TAF4: variants seen among roughly 807,000 people sequenced by gnomAD.
The protein encoded by TAF4 is TATA-box binding protein associated factor 4.
In TAF4, 9 loss-of-function variants were observed where a neutral mutation model predicts 90.3. The ratio of observed to expected loss-of-function variants is 0.10; its 90% CI spans 0.06 to 0.17. The LOEUF (loss-of-function observed/expected upper bound fraction) is 0.17. Ranked by LOEUF, TAF4 falls within the 10% of genes least tolerant of loss-of-function variation. The probability of loss-of-function intolerance (pLI) is 1.00; values close to 1 mark genes in which losing one functional copy is unlikely to be tolerated. For missense variants in TAF4, 1,351 were observed against 1,370.7 expected (o/e 0.99, Z 0.23); for synonymous variants, 818 against 638.9 (o/e 1.28, Z -4.23).
intron 11 of TAF4, 70 bp downstream of exon 11, chr20:62,000,054 G>A: frequency 6.2e-7 from 1 of 1,606,426 alleles, no homozygotes; most frequent in Non-Finnish European, 8.5e-7. Flanking sequence ...GTGTGGGGAG[G>A]AGGCTCCCAG....
At chr20:62,005,347 C>T (rs1358065650) in intron 7 of TAF4, 1 of 152,256 alleles carries the variant, frequency 6.6e-6, no homozygotes, top group Non-Finnish European at 1.5e-5. Context: ...AGGAGGAGCC[C>T]AGGGAAGCAG....
chr20:61,996,278 A>G (rs1157991665), intron 14 of TAF4, among the ~76,000 whole-genome samples: 1 of 152,140 alleles, frequency 6.6e-6, no homozygotes, highest in Non-Finnish European at 1.5e-5. Context: ...GCTACTCGGG[A>G]AGCTGAGGCA....
intron 1 of TAF4, among the ~76,000 whole-genome samples, chr20:62,016,972 CA>C (rs879282155): frequency 2.0e-5 from 3 of 149,226 alleles, no homozygotes; most frequent in Non-Finnish European, 3.0e-5. Context: ...CCCATCTTTG[CA>C]AAAAAAAAAT....
chr20:62,019,797 T>C (rs1375623085), intron 1 of TAF4, among the ~76,000 whole-genome samples: 2 of 152,232 alleles, frequency 1.3e-5, no homozygotes, highest in Non-Finnish European at 2.9e-5. Flanking sequence ...CTGATTCCTT[T>C]TGTAGGTAAC....
chr20:62,023,348 T>C (rs1332349545), intron 1 of TAF4, among the ~76,000 whole-genome samples: 1 of 151,818 alleles, frequency 6.6e-6, no homozygotes, highest in Non-Finnish European at 1.5e-5. Context: ...CGAGAATCGC[T>C]TGAACCAGAG....
At chr20:61,980,602 A>C (rs1448391088) in intron 14 of TAF4, 1 of 152,272 alleles carries the variant, frequency 6.6e-6, no homozygotes, top group Non-Finnish European at 1.5e-5. Context: ...AGTAGCGAAA[A>C]ACACTCAGAC....
At chr20:62,009,549 A>T (rs2055766267) in intron 4 of TAF4, among the ~76,000 whole-genome samples, 1 of 152,276 alleles carries the variant, frequency 6.6e-6, no homozygotes, top group South Asian at 2.1e-4. Context: ...TAAAGCAACG[A>T]AAAGTACGCA....
chr20:62,055,517 C>T (rs2056058302), intron 1 of TAF4, among the ~76,000 whole-genome samples: 1 of 152,168 alleles, frequency 6.6e-6, no homozygotes, highest in Admixed American at 6.5e-5. Context: ...CTGGAGGCAG[C>T]CCTGCAATAT....
At chr20:62,012,601 TAAAAAA>T in intron 3 of TAF4, 2 of 557,150 alleles carry the variant, frequency 3.6e-6, no homozygotes, top group African/African-American at 2.2e-5. Flanking sequence ...TCTGTGTGAC[TAAAAAA>T]AAGAAAAAAG....
intron 1 of TAF4, among the ~76,000 whole-genome samples, chr20:62,040,215 A>C (rs2055956037): frequency 6.6e-6 from 1 of 152,268 alleles, no homozygotes; most frequent in African/African-American, 2.4e-5. Flanking sequence ...AGCTAGAAAC[A>C]ACCCAAATAC....
At chr20:62,047,520 C>A (rs1255860364) in intron 1 of TAF4, among the ~76,000 whole-genome samples, 1 of 152,152 alleles carries the variant, frequency 6.6e-6, no homozygotes, top group Non-Finnish European at 1.5e-5. Flanking sequence ...CGAGACCCTC[C>A]CCACCCCCGC....
At chr20:62,008,966 C>T in intron 5 of TAF4, 86 bp downstream of exon 5, 1 of 1,517,304 alleles carries the variant, frequency 6.6e-7, no homozygotes, top group African/African-American at 1.4e-5. Context: ...GCACAGGCCT[C>T]CCGGGCACAG....
chr20:62,061,905 C>T (rs1313011263), intron 1 of TAF4, among the ~76,000 whole-genome samples: 4 of 152,210 alleles, frequency 2.6e-5, no homozygotes, highest in Non-Finnish European at 5.9e-5. Context: ...TTCAACATAC[C>T]CGGTGTGCAC....
At chr20:62,009,642 C>T (rs1331697188) in intron 4 of TAF4, among the ~76,000 whole-genome samples, 2 of 152,346 alleles carry the variant, frequency 1.3e-5, no homozygotes, top group African/African-American at 2.4e-5. Context: ...TGTGTACAAA[C>T]GGGTGGCGCT....
intron 1 of TAF4, among the ~76,000 whole-genome samples, chr20:62,045,761 C>T (rs1206222991): frequency 6.6e-6 from 1 of 152,192 alleles, no homozygotes; most frequent in African/African-American, 2.4e-5. Flanking sequence ...AAAGAGCAGG[C>T]GGGCATGAAA....
intron 1 of TAF4, among the ~76,000 whole-genome samples, chr20:62,041,593 C>T (rs972576163): frequency 6.6e-6 from 1 of 151,886 alleles, no homozygotes; most frequent in African/African-American, 2.4e-5. Flanking sequence ...TGCGCCACTG[C>T]ACTCCAGCCT....
rs969749121 is a variant in TAF4, at chr20:62,027,704, T to TA, written c.1361-12998dup. ...TAATTAATTTTCTGCATTGGATTCC[T>TA]AAAAAAATCATTAACTTTACCTCAC... On this transcript the variant is annotated intron_variant, in intron 1 of 14. Transcript: ENST00000252996. 2.6e-4 allele frequency among the ~76,000 whole-genome samples: 40 copies of TA among 152,334 alleles called. 1 individual carries two copies. Among genetic ancestry groups the TA allele is most frequent in the African/African-American group, 5.1e-4 (21 of 41,574 alleles).
At chr20:62,027,946 G>C (rs150570636) in intron 1 of TAF4, among the ~76,000 whole-genome samples, 1 of 152,224 alleles carries the variant, frequency 6.6e-6, no homozygotes, top group African/African-American at 2.4e-5. Context: ...CGGCGGCCTA[G>C]GTCGTGCAAC....
At chr20:62,049,159 T>C (rs867453133) in intron 1 of TAF4, among the ~76,000 whole-genome samples, 4 of 151,926 alleles carry the variant, frequency 2.6e-5, no homozygotes, top group Non-Finnish European at 2.9e-5. Flanking sequence ...GGCTGCTGGT[T>C]CTCCAGGTGC....
Sources: allele counts gnomAD v4.1 joint callset (sites outside exome capture counted in the v4.1 genomes callset), GRCh38; gene constraint gnomAD v4.1.1; transcripts MANE v1.5; gene names NCBI Gene and HGNC (gene_info 2026-07-23, HGNC 2026-07-21).